The following ZNF33B variants were observed in gnomAD, a reference collection of about 807,000 sequenced individuals.
The protein encoded by ZNF33B is zinc finger protein 33B.
ZNF33B carries 29 observed loss-of-function variants against 45.8 expected under a neutral mutation model. That is an observed-to-expected ratio of 0.63 (90% CI 0.47 to 0.86). The LOEUF (loss-of-function observed/expected upper bound fraction) is 0.86, where lower values mean the gene tolerates loss of function less well. Ranked by LOEUF, ZNF33B falls within the 40% of genes least tolerant of loss-of-function variation. The pLI, the probability that ZNF33B is intolerant of heterozygous loss-of-function variation, is 0.00. For missense variants in ZNF33B, 831 were observed against 909.9 expected (o/e 0.91, Z 1.12); for synonymous variants, 305 against 307.8 (o/e 0.99, Z 0.10).
intron 4 of ZNF33B, among the ~76,000 whole-genome samples, chr10:42,620,562 C>G (rs1246451971): frequency 6.6e-6 from 1 of 151,564 alleles, no homozygotes; most frequent in African/African-American, 2.4e-5. Flanking sequence ...CCACCACACC[C>G]AACTATTTTT....
chr10:42,585,380 A>G (rs1203371789), downstream of ZNF33B, among the ~76,000 whole-genome samples: 1 of 152,238 alleles, frequency 6.6e-6, no homozygotes, highest in East Asian at 1.9e-4. Context: ...TAGGTAAAAG[A>G]GACACATCCA....
At chr10:42,609,341 C>T (rs985328239) in intron 4 of ZNF33B, among the ~76,000 whole-genome samples, 1 of 152,106 alleles carries the variant, frequency 6.6e-6, no homozygotes, top group Non-Finnish European at 1.5e-5. Flanking sequence ...ATTGCCTGAG[C>T]CTGGGAAGTC....
chr10:42,575,020 C>G (rs1342862621), intron 1 of ZNF33B, among the ~76,000 whole-genome samples: 2 of 152,122 alleles, frequency 1.3e-5, no homozygotes, highest in Non-Finnish European at 2.9e-5. Flanking sequence ...TATTACATGT[C>G]TCCCATAATG....
At chr10:42,619,064 G>A (rs1208926075) in intron 4 of ZNF33B, among the ~76,000 whole-genome samples, 2 of 151,644 alleles carry the variant, frequency 1.3e-5, no homozygotes, top group Non-Finnish European at 2.9e-5. Context: ...TCACTTAACA[G>A]TGTTGAGTGA....
Position 42,582,724 on chromosome 10 carries a change from G to C in ZNF33B, c.74-8046C>G, listed in dbSNP as rs151117301. On this transcript the variant is annotated intron_variant, in intron 1 of 1. Coordinates refer to the ZNF33B transcript ENST00000462075. ...AACTTGAATCTTCTTTTCCCACTTAGATTTGGTTTCAAAACCAGATAGGAC... is the reference window on the plus strand; with the variant it reads ...AACTTGAATCTTCTTTTCCCACTTACATTTGGTTTCAAAACCAGATAGGAC... 6.7e-3 allele frequency: 1,120 copies of C among 168,074 alleles called. 5 individuals are homozygous for C. Among genetic ancestry groups the C allele is most frequent in the Non-Finnish European group, 0.011 (868 of 77,504 alleles). The allele number at this position is 168,074 out of a possible 1,614,324, so 10.4% of individuals were successfully genotyped here.
rs544479944 is a variant in ZNF33B, at chr10:42,630,099, C to T, written c.250+1830G>A. On this transcript the variant is annotated intron_variant, in intron 4 of 4. Coordinates refer to ENST00000359467, the MANE Select transcript of ZNF33B (RefSeq NM_006955.3). ...AACCTCCAATCTTCTTTCTTTCCTGCATCCCAAGCCTTCTTGTTATTTCCT... is the reference window on the plus strand; with the variant it reads ...AACCTCCAATCTTCTTTCTTTCCTGTATCCCAAGCCTTCTTGTTATTTCCT... 1.1e-4 allele frequency among the ~76,000 whole-genome samples: 17 copies of T among 152,306 alleles called. No homozygotes were observed. In the East Asian group the frequency reaches 3.1e-3, roughly 28 times the overall value.
At chr10:42,584,225 G>A (rs767817305), downstream of ZNF33B, among the ~76,000 whole-genome samples, 14 of 152,190 alleles carry the variant, frequency 9.2e-5, no homozygotes, top group African/African-American at 1.7e-4. Flanking sequence ...ACTTAGTCTC[G>A]TTTCTGGAAT....
chr10:42,607,199 T>C (rs1421108392), intron 4 of ZNF33B, among the ~76,000 whole-genome samples: 5 of 152,178 alleles, frequency 3.3e-5, no homozygotes, highest in African/African-American at 4.8e-5. Context: ...GTAGTAGAAA[T>C]CTGAAGTAGA....
In ZNF33B at chr10:42,595,132, T is replaced by C. The variant is rs190690528; in HGVS notation, c.251-433A>G. Reference sequence around the variant, plus strand: ...CTCATTTCAAATCACCACTATGCAATAGATATTCAAATACAGCAAAAAGTG... The same window carrying C: ...CTCATTTCAAATCACCACTATGCAACAGATATTCAAATACAGCAAAAAGTG... On this transcript the variant is annotated intron_variant, in intron 4 of 4. Coordinates refer to ENST00000359467, the MANE Select transcript of ZNF33B (RefSeq NM_006955.3). Among the ~76,000 whole-genome samples the C allele has an allele frequency of 1.7e-3, 257 of 152,218 alleles. 1 individual carries two copies. The highest frequency in any genetic ancestry group is 5.6e-3 in the African/African-American group (233 of 41,542).
chr10:42,578,275 T>C (rs904862862), intron 1 of ZNF33B, among the ~76,000 whole-genome samples: 10 of 152,196 alleles, frequency 6.6e-5, no homozygotes, highest in African/African-American at 2.2e-4. Flanking sequence ...AGGGCTCCTG[T>C]TTCTCCACGG....
chr10:42,581,021 G>C (rs1260668104), intron 1 of ZNF33B, among the ~76,000 whole-genome samples: 1 of 152,034 alleles, frequency 6.6e-6, no homozygotes. Flanking sequence ...TAAGTAAAAG[G>C]GACTCTGTTG....
At chr10:42,601,478 T>G (rs1392763842) in intron 4 of ZNF33B, among the ~76,000 whole-genome samples, 4 of 138,534 alleles carry the variant, frequency 2.9e-5, no homozygotes, top group East Asian at 2.1e-4. Context: ...GTTTTTTTTT[T>G]TTTTTTTTTT....
At chr10:42,615,228 G>A (rs1372390009) in intron 4 of ZNF33B, among the ~76,000 whole-genome samples, 7 of 152,110 alleles carry the variant, frequency 4.6e-5, no homozygotes, top group Non-Finnish European at 1.0e-4. Context: ...GTATATATCT[G>A]AAATGACTGA....
At chr10:42,625,418 G>A (rs1042231835) in intron 4 of ZNF33B, among the ~76,000 whole-genome samples, 1 of 152,054 alleles carries the variant, frequency 6.6e-6, no homozygotes, top group Non-Finnish European at 1.5e-5. Flanking sequence ...TGTTCATCTT[G>A]GATCCTGAAA....
chr10:42,580,335 G>A (rs1225213835), intron 1 of ZNF33B, among the ~76,000 whole-genome samples: 3 of 152,032 alleles, frequency 2.0e-5, no homozygotes, highest in African/African-American at 4.8e-5. Flanking sequence ...CCACCTCCCA[G>A]GTTCAAGCCA....
downstream of ZNF33B, among the ~76,000 whole-genome samples, chr10:42,586,152 T>TG (rs1836931856): frequency 7.1e-6 from 1 of 140,802 alleles, no homozygotes; most frequent in Non-Finnish European, 1.5e-5. Context: ...TTCCTCAGAT[T>TG]TTTTTTTTTT....
Position 42,631,917 on chromosome 10 carries a change from A to G in ZNF33B, c.250+12T>C, listed in dbSNP as rs1286123084. On this transcript the variant is annotated intron_variant, in intron 4 of 4. Transcript: ENST00000359467. The stretch of plus-strand genomic sequence containing the variant: ...CCCCTGATGTGAATCTGTGCAGTAC[A>G]TATTAACCCACCTGGAAAGCTCTGG... 4 of 1,609,084 alleles carry G rather than the reference A, an allele frequency of 2.5e-6. No individual in the cohort carries two copies. In the African/African-American group the frequency reaches 4.0e-5, roughly 16 times the overall value.
At chr10:42,599,267 T>C (rs1837527571) in intron 4 of ZNF33B, among the ~76,000 whole-genome samples, 1 of 152,142 alleles carries the variant, frequency 6.6e-6, no homozygotes, top group South Asian at 2.1e-4. Flanking sequence ...TTTCACCGAT[T>C]TTCTCAACTG....
At chr10:42,621,339 A>G (rs1209144296) in intron 4 of ZNF33B, among the ~76,000 whole-genome samples, 1 of 152,024 alleles carries the variant, frequency 6.6e-6, no homozygotes, top group Non-Finnish European at 1.5e-5. Context: ...TAAAAAAAAA[A>G]TACAAATGCA....
Sources: gnomAD v4.1 joint callset for allele counts (sites outside exome capture counted in the v4.1 genomes callset) on GRCh38, gnomAD v4.1.1 for gene constraint, MANE v1.5 for transcripts, NCBI Gene and HGNC (gene_info 2026-07-23, HGNC 2026-07-21) for gene names.